Variants in COX7B2 observed in about 807,000 individuals in gnomAD.
COX7B2 encodes the protein cytochrome c oxidase subunit 7B2.
For synonymous variants in COX7B2, 37 were observed against 32.1 expected (o/e 1.15, Z -0.51); for missense variants, 109 against 95.9 (o/e 1.14, Z -0.57).
intron 2 of COX7B2, among the ~76,000 whole-genome samples, chr4:46,783,369 G>C (rs1283266707): frequency 6.6e-6 from 1 of 152,204 alleles, no homozygotes; most frequent in African/African-American, 2.4e-5. Flanking sequence ...TGATCTCTTA[G>C]AACTATCATT....
At chr4:46,814,579 A>C (rs1372711425) in intron 2 of COX7B2, among the ~76,000 whole-genome samples, 1 of 152,228 alleles carries the variant, frequency 6.6e-6, no homozygotes, top group East Asian at 1.9e-4. Flanking sequence ...CAGCTTAGAA[A>C]AGTTTCCTTT....
At chr4:46,776,062 A>G (rs529523842) in intron 2 of COX7B2, among the ~76,000 whole-genome samples, 16 of 152,222 alleles carry the variant, frequency 1.1e-4, no homozygotes, top group African/African-American at 3.1e-4. Context: ...CTGAAGATAA[A>G]CCAGTAAATA....
chr4:46,850,909 T>C (rs1019428885), intron 1 of COX7B2, among the ~76,000 whole-genome samples: 1 of 152,070 alleles, frequency 6.6e-6, no homozygotes, highest in Non-Finnish European at 1.5e-5. Flanking sequence ...TAAGTTTGCT[T>C]GTGACATTCA....
intron 2 of COX7B2, among the ~76,000 whole-genome samples, chr4:46,762,345 TTATA>T (rs1312929427): frequency 2.0e-5 from 2 of 99,696 alleles, no homozygotes; most frequent in South Asian, 7.7e-4. Flanking sequence ...TAATATATAT[TTATA>T]TATACTATAC....
chr4:46,769,884 A>G (rs552096603), intron 2 of COX7B2, among the ~76,000 whole-genome samples: 2 of 152,268 alleles, frequency 1.3e-5, no homozygotes, highest in African/African-American at 4.8e-5. Flanking sequence ...CACAGCTAAT[A>G]TCATACTCAG....
At chr4:46,751,821 TGTA>T (rs57526189) in intron 2 of COX7B2, among the ~76,000 whole-genome samples, 49,566 of 151,718 alleles carry the variant, frequency 0.33, 8,331 homozygotes, top group South Asian at 0.47. Context: ...ACTGTAGCCT[TGTA>T]GTAGTATAGT....
intron 1 of COX7B2, among the ~76,000 whole-genome samples, chr4:46,888,806 A>T (rs1719246908): frequency 6.6e-6 from 1 of 152,150 alleles, no homozygotes; most frequent in Non-Finnish European, 1.5e-5. Context: ...TTTTATAATA[A>T]TTACTACAAT....
At chr4:46,800,086 A>G (rs1171593513) in intron 2 of COX7B2, among the ~76,000 whole-genome samples, 2 of 152,158 alleles carry the variant, frequency 1.3e-5, no homozygotes, top group African/African-American at 4.8e-5. Context: ...AAAAATCTCT[A>G]CAGTGAAAAT....
chr4:46,882,625 T>A (rs948457574), intron 1 of COX7B2, among the ~76,000 whole-genome samples: 1 of 152,192 alleles, frequency 6.6e-6, no homozygotes, highest in Admixed American at 6.5e-5. Flanking sequence ...CCTGATTTTT[T>A]CTGTTTTCTG....
At chr4:46,823,296 G>A (rs1287526521) in intron 2 of COX7B2, among the ~76,000 whole-genome samples, 2 of 151,176 alleles carry the variant, frequency 1.3e-5, no homozygotes, top group Non-Finnish European at 2.9e-5. Flanking sequence ...TATTATATTA[G>A]TATATGTATT....
chr4:46,759,372 G>A (rs1202673205), intron 2 of COX7B2, among the ~76,000 whole-genome samples: 1 of 151,758 alleles, frequency 6.6e-6, no homozygotes, highest in Non-Finnish European at 1.5e-5. Context: ...AAGAAACTAT[G>A]AAGAATGCCT....
intron 2 of COX7B2, among the ~76,000 whole-genome samples, chr4:46,800,186 T>C (rs1718579858): frequency 6.6e-6 from 1 of 152,126 alleles, no homozygotes; most frequent in South Asian, 2.1e-4. Flanking sequence ...AAAGTGACCA[T>C]ACTGCTCAAA....
chr4:46,887,710 C>CAAA (rs564556459), intron 1 of COX7B2, among the ~76,000 whole-genome samples: 8 of 41,576 alleles, frequency 1.9e-4, no homozygotes, highest in Admixed American at 7.6e-4. Flanking sequence ...GACTCCTTCT[C>CAAA]AAAAAAAAAA....
At chr4:46,785,370 G>A (rs1717696713) in intron 2 of COX7B2, among the ~76,000 whole-genome samples, 1 of 151,580 alleles carries the variant, frequency 6.6e-6, no homozygotes, top group Admixed American at 6.6e-5. Context: ...AAATCTGATA[G>A]AGCAATTTTT....
At chr4:46,858,510 G>GA (rs796768053) in intron 1 of COX7B2, among the ~76,000 whole-genome samples, 6 of 150,254 alleles carry the variant, frequency 4.0e-5, no homozygotes, top group African/African-American at 7.3e-5. Context: ...TAAACATTAG[G>GA]AAAAAAAAAG....
At chr4:46,770,676 G>T (rs556898632) in intron 2 of COX7B2, among the ~76,000 whole-genome samples, 31 of 150,792 alleles carry the variant, frequency 2.1e-4, no homozygotes, top group Non-Finnish European at 3.5e-4. Flanking sequence ...AAAAACACAC[G>T]TTTATGGTCA....
chr4:46,735,642 C>A lies in COX7B2; in HGVS notation c.-49-401G>T, dbSNP rs576173378. 7.2e-5 allele frequency among the ~76,000 whole-genome samples: 11 copies of A among 152,226 alleles called. No homozygotes were observed. The South Asian group carries it at 2.1e-3, about 29-fold the overall frequency. ...TCCTCGTTTTCTCCCTCCTGCTTAA[C>A]CCCTTTCCTTCTCCTTCTTTAACTG... On this transcript the variant is annotated intron_variant, in intron 2 of 2. Transcript: ENST00000355591.
intron 1 of COX7B2, among the ~76,000 whole-genome samples, chr4:46,854,375 C>T (rs747644843): frequency 4.6e-5 from 7 of 152,112 alleles, no homozygotes; most frequent in Non-Finnish European, 8.8e-5. Flanking sequence ...ACAGATTTGA[C>T]GGTATGAATA....
intron 2 of COX7B2, among the ~76,000 whole-genome samples, chr4:46,806,007 A>G (rs1255680920): frequency 1.3e-5 from 2 of 152,136 alleles, no homozygotes; most frequent in Non-Finnish European, 2.9e-5. Context: ...AGCTTAATTA[A>G]TAAGGACATA....
Sources: allele counts gnomAD v4.1 joint callset (sites outside exome capture counted in the v4.1 genomes callset), GRCh38; gene constraint gnomAD v4.1.1; transcripts MANE v1.5; gene names NCBI Gene and HGNC (gene_info 2026-07-23, HGNC 2026-07-21).